UBA3: variants seen among roughly 807,000 people sequenced by gnomAD.
UBA3 encodes the protein NEDD8-activating enzyme E1 catalytic subunit.
A neutral mutation model predicts 73.5 loss-of-function variants in UBA3; 26 were observed. The observed-to-expected ratio is 0.35, with a 90% CI of 0.26 to 0.49. UBA3 has a LOEUF of 0.49. Ranked by LOEUF, UBA3 falls within the 20% of genes least tolerant of loss-of-function variation. UBA3 has a pLI of 0.98. For synonymous variants in UBA3, 217 were observed against 191.2 expected (o/e 1.13, Z -1.11); for missense variants, 495 against 555.6 (o/e 0.89, Z 1.10).
intron 5 of UBA3, among the ~76,000 whole-genome samples, chr3:69,069,419 C>G (rs1257088917): frequency 6.6e-6 from 1 of 152,092 alleles, no homozygotes; most frequent in Non-Finnish European, 1.5e-5. Context: ...CCTCTGCCTC[C>G]CAGATTCAAA....
chr3:69,080,157 A>G lies in UBA3; in HGVS notation c.21-4T>C. The G allele has an allele frequency of 6.2e-7, 1 of 1,609,014 alleles. No homozygotes were observed. The highest frequency in any genetic ancestry group is 8.5e-7 in the Non-Finnish European group (1 of 1,178,742). On this transcript the variant is annotated splice_polypyrimidine_tract_variant and splice_region_variant and intron_variant, in intron 1 of 17. Transcript: ENST00000361055. ...TATTCTCCTTCTTTTCTTCTCCCTA[A>G]AAGAGAGAATAAAAGAAGGGTCAGC...
intron 9 of UBA3, 43 bp downstream of exon 9, chr3:69,062,939 T>G: frequency 1.2e-6 from 2 of 1,606,812 alleles, no homozygotes; most frequent in Non-Finnish European, 1.7e-6. Context: ...CCTAATTCCA[T>G]GCCAAGATAC....
chr3:69,057,904 T>C (rs1317352250), intron 11 of UBA3, among the ~76,000 whole-genome samples: 5 of 150,236 alleles, frequency 3.3e-5, no homozygotes, highest in Admixed American at 1.3e-4. Context: ...TACAGTTCTC[T>C]ACTTCAACCC....
intron 3 of UBA3, among the ~76,000 whole-genome samples, chr3:69,076,108 T>G (rs1322593203): frequency 1.3e-5 from 2 of 152,222 alleles, no homozygotes; most frequent in Non-Finnish European, 2.9e-5. Context: ...CTCTAATTTG[T>G]TTTTTAATTT....
At chr3:69,067,372 C>A (rs374389134) in intron 6 of UBA3, among the ~76,000 whole-genome samples, 1 of 152,092 alleles carries the variant, frequency 6.6e-6, no homozygotes, top group Non-Finnish European at 1.5e-5. Context: ...ACAAGTTCAC[C>A]GGTATGTTGA....
In UBA3 at chr3:69,077,875, C is replaced by G. The variant is rs1214803286; in HGVS notation, c.106G>C (p.Gly36Arg). The stretch of plus-strand genomic sequence containing the variant: ...AACTTCTTTACATGGTTCCAGCGAC[C>G]TTCCCAGTCTCCAGTGTCCCCACAC... Reference protein sequence around the residue: ...GGCGDTGDWEGRWNHVKKFLE... With the variant: ...GGCGDTGDWERRWNHVKKFLE... The change falls in exon 3 of 18, where the codon GGT becomes CGT. Residue 36 changes from glycine (G) to arginine (R), a missense_variant. Gly to Arg is a moderately radical substitution (Grantham distance 125). Transcript: ENST00000361055. The G allele has an allele frequency of 6.2e-7, 1 of 1,613,950 alleles. No homozygotes were observed. The highest frequency in any genetic ancestry group is 2.2e-5 in the East Asian group (1 of 44,880).
intron 16 of UBA3, 38 bp downstream of exon 16, chr3:69,055,962 T>C (rs373917529): frequency 2.3e-4 from 373 of 1,595,956 alleles, no homozygotes; most frequent in Middle Eastern, 6.8e-4. Context: ...AAACTTGATA[T>C]AATTTTCTGA....
intron 6 of UBA3, among the ~76,000 whole-genome samples, chr3:69,066,306 CTG>C (rs1240464953): frequency 2.0e-5 from 3 of 151,980 alleles, no homozygotes; most frequent in African/African-American, 7.3e-5. Context: ...AGCCAGGACT[CTG>C]TAGTGGTATG....
At position 69,063,073 on chromosome 3, in the gene UBA3, C is replaced by A; in HGVS notation, c.602G>T (p.Gly201Val). The change falls in exon 9 of 18, where the codon GGG becomes GTG. Residue 201 changes from glycine to valine, a missense_variant. Coordinates refer to ENST00000361055, the MANE Select transcript of UBA3 (RefSeq NM_003968.4). ...ATTTCCTTTAAAACCTTCTGTCCCCCCATCTATCAAAGGGACAATGGAGCT... is the reference window on the plus strand; with the variant it reads ...ATTTCCTTTAAAACCTTCTGTCCCCACATCTATCAAAGGGACAATGGAGCT... The part of the protein sequence containing the change: ...DPSSIVPLID[G>V]GTEGFKGNAR... 6.2e-7 allele frequency: 1 copy of A among 1,614,032 alleles called. No homozygotes were observed. Among genetic ancestry groups the A allele is most frequent in the Non-Finnish European group, 8.5e-7 (1 of 1,179,980 alleles).
intron 16 of UBA3, 47 bp from the exon 17 acceptor site, chr3:69,055,952 A>G: frequency 6.3e-7 from 1 of 1,593,840 alleles, no homozygotes; most frequent in Non-Finnish European, 8.5e-7. Context: ...AAGTAAAATA[A>G]AACTTGATAT....
chr3:69,055,495 G>A lies in UBA3; in HGVS notation c.1334C>T (p.Ala445Val), dbSNP rs147779512. 2.5e-5 allele frequency: 40 copies of A among 1,574,698 alleles called. No individual in the cohort carries two copies. Among genetic ancestry groups the A allele is most frequent in the Non-Finnish European group, 3.0e-5 (35 of 1,169,256 alleles). Residue 445 changes from alanine (A) to valine (V), a missense_variant, in exon 18 of 18, where the codon GCG becomes GTG. Coordinates refer to ENST00000361055, the MANE Select transcript of UBA3 (RefSeq NM_003968.4). ...ELGLVDGQEL[A>V]VADVTTPQTV... ...CTGTGGGGTGGTGACATCAGCAACCGCCAGTTCTTGTCCATCAACAAGCCC... is the reference window on the plus strand; with the variant it reads ...CTGTGGGGTGGTGACATCAGCAACCACCAGTTCTTGTCCATCAACAAGCCC...
chr3:69,062,271 A>G, intron 9 of UBA3, 92 bp from the exon 10 acceptor site: 2 of 860,108 alleles, frequency 2.3e-6, no homozygotes, highest in African/African-American at 1.7e-5. Context: ...ACAATTTCAT[A>G]CAATTTGTTT....
At chr3:69,062,861 T>A in intron 9 of UBA3, 121 bp downstream of exon 9, 1 of 1,213,314 alleles carries the variant, frequency 8.2e-7, no homozygotes. Context: ...TTCTTCTTAG[T>A]GTAATTTTTA....
chr3:69,073,186 C>A (rs4365633), intron 4 of UBA3, among the ~76,000 whole-genome samples: 1 of 151,894 alleles, frequency 6.6e-6, no homozygotes, highest in Non-Finnish European at 1.5e-5. Flanking sequence ...GTAAAAGCGA[C>A]AGCACTTACA....
At chr3:69,069,098 A>G (rs1052578949) in intron 5 of UBA3, among the ~76,000 whole-genome samples, 11 of 152,216 alleles carry the variant, frequency 7.2e-5, no homozygotes, top group African/African-American at 2.2e-4. Flanking sequence ...CCATGTATAT[A>G]ATAAGAACAT....
At chr3:69,065,910 T>C (rs2092066959) in intron 6 of UBA3, among the ~76,000 whole-genome samples, 1 of 152,180 alleles carries the variant, frequency 6.6e-6, no homozygotes. Flanking sequence ...GTCATCCTTT[T>C]TAGTAAAATA....
At chr3:69,064,808 T>G (rs2092054772) in intron 6 of UBA3, among the ~76,000 whole-genome samples, 1 of 152,194 alleles carries the variant, frequency 6.6e-6, no homozygotes. Context: ...TTGTTTTAAT[T>G]TTTCTAATGA....
Position 69,063,065 on chromosome 3 carries a change from C to G in UBA3, c.610G>C (p.Glu204Gln). ...SIVPLIDGGT[E>Q]GFKGNARVIL... ...ACCCGGGCATTTCCTTTAAAACCTT[C>G]TGTCCCCCCATCTATCAAAGGGACA... Residue 204 changes from glutamate (E) to glutamine (Q), a missense_variant, in exon 9 of 18, where the codon GAA becomes CAA. Coordinates refer to ENST00000361055, the MANE Select transcript of UBA3 (RefSeq NM_003968.4). 1 of 1,614,098 alleles carries G rather than the reference C, an allele frequency of 6.2e-7. No homozygotes were observed. The highest frequency in any genetic ancestry group is 8.5e-7 in the Non-Finnish European group (1 of 1,179,986).
rs540707930 is a variant in UBA3, at chr3:69,062,069, T to C, written c.796+8A>G. On this transcript the variant is annotated splice_region_variant and intron_variant, in intron 10 of 17. Coordinates refer to ENST00000361055, the MANE Select transcript of UBA3 (RefSeq NM_003968.4). ...TGTAATTCTAGATTATTAAATTAGG[T>C]TTATTACCTCCAAAAGGCTGCTCCT... is the stretch of plus-strand genomic sequence containing the variant. The C allele has an allele frequency of 2.2e-5, 35 of 1,572,610 alleles. No homozygotes were observed. In the East Asian group the frequency reaches 7.4e-4, roughly 33 times the overall value.
Sources: allele counts gnomAD v4.1 joint callset (sites outside exome capture counted in the v4.1 genomes callset), GRCh38; gene constraint gnomAD v4.1.1; transcripts MANE v1.5; gene names NCBI Gene and HGNC (gene_info 2026-07-23, HGNC 2026-07-21).